The following INPP5A variants were observed in gnomAD, a reference collection of about 807,000 sequenced individuals.
INPP5A encodes inositol polyphosphate-5-phosphatase A.
INPP5A carries 14 observed loss-of-function variants against 65.2 expected under a neutral mutation model. The ratio of observed to expected loss-of-function variants is 0.21; its 90% CI spans 0.14 to 0.34. The LOEUF is 0.34. INPP5A is among the 10% of genes least tolerant of loss of function. The pLI is 1.00. For synonymous variants in INPP5A, 207 were observed against 208.3 expected (o/e 0.99, Z 0.05); for missense variants, 431 against 545.6 (o/e 0.79, Z 2.09).
chr10:132,593,962 C>T (rs542351673), intron 1 of INPP5A, among the ~76,000 whole-genome samples: 50 of 152,302 alleles, frequency 3.3e-4, no homozygotes, highest in Non-Finnish European at 6.2e-4. Flanking sequence ...GTTGTATTAG[C>T]AGTTTTCCTA....
chr10:132,544,284 A>G (rs2070941064), intron 1 of INPP5A, among the ~76,000 whole-genome samples: 1 of 152,190 alleles, frequency 6.6e-6, no homozygotes, highest in Admixed American at 6.5e-5. Flanking sequence ...GCCAGAGCAG[A>G]GTGCCAGCTC....
At chr10:132,608,353 AGTGG>A (rs1415528668) in intron 2 of INPP5A, among the ~76,000 whole-genome samples, 49 of 152,164 alleles carry the variant, frequency 3.2e-4, no homozygotes, top group Admixed American at 1.2e-3. Flanking sequence ...CTGTGCAGAG[AGTGG>A]GTGCTGGGCT....
chr10:132,585,058 A>G (rs189634557), intron 1 of INPP5A, among the ~76,000 whole-genome samples: 134 of 152,338 alleles, frequency 8.8e-4, no homozygotes, highest in African/African-American at 3.0e-3. Flanking sequence ...AGGGGCTTCT[A>G]GAAGGTCGCA....
In INPP5A at chr10:132,663,385, C is replaced by T. The variant is rs995538373; in HGVS notation, c.306+12880C>T. ...TACAGGTGTGCATCACCACGCCTGG[C>T]TAAAAAAAAACTGTTTATAGAGACT... On this transcript the variant is annotated intron_variant, in intron 4 of 15. Transcript: ENST00000368594. The surrounding 1 kb of genome is among the most constrained non-coding windows in gnomAD (Gnocchi z 4.5). 6.6e-6 allele frequency among the ~76,000 whole-genome samples: 1 copy of T among 151,742 alleles called. No homozygotes were observed. The highest frequency in any genetic ancestry group is 2.4e-5 in the African/African-American group (1 of 41,264).
At chr10:132,560,834 G>A (rs753743123) in intron 1 of INPP5A, among the ~76,000 whole-genome samples, 1 of 151,872 alleles carries the variant, frequency 6.6e-6, no homozygotes, top group Non-Finnish European at 1.5e-5. Context: ...GTATCAAACT[G>A]TAGGCCTCAA....
intron 8 of INPP5A, among the ~76,000 whole-genome samples, chr10:132,712,789 G>A (rs564121660): frequency 6.6e-6 from 1 of 150,474 alleles, no homozygotes; most frequent in Non-Finnish European, 1.5e-5. Flanking sequence ...TGTGTGCAGG[G>A]GTGCACTGAT....
At position 132,782,151 on chromosome 10, in the gene INPP5A, G is replaced by A. The variant is rs1029032477; in HGVS notation, c.*122G>A. 8.7e-6 allele frequency: 13 copies of A among 1,496,884 alleles called. No homozygotes were observed. Among genetic ancestry groups the A allele is most frequent in the East Asian group, 5.2e-5 (2 of 38,418 alleles). The allele number at this position is 1,496,884 out of a possible 1,614,324, so 92.7% of individuals were successfully genotyped here. The stretch of plus-strand genomic sequence containing the variant: ...CCCGCCCAAGCGCCACCTGCTAGAC[G>A]GCCAGCCCCACACTTCGCTTCAGCC... On this transcript the variant is annotated 3_prime_UTR_variant, in exon 16 of 16. Transcript: ENST00000368594. The surrounding 1 kb of genome is among the most constrained non-coding windows in gnomAD (Gnocchi z 4.4).
At position 132,550,793 on chromosome 10, in the gene INPP5A, C is replaced by A. The variant is rs748270253; in HGVS notation, c.75+12622C>A. Reference sequence around the variant, plus strand: ...TGTGAGGGGCCATGGTCGCTGACCTCGCCTCCTGTTGTCTTAGATCCTTGG... The same window carrying A: ...TGTGAGGGGCCATGGTCGCTGACCTAGCCTCCTGTTGTCTTAGATCCTTGG... On this transcript the variant is annotated intron_variant, in intron 1 of 15. Coordinates refer to ENST00000368594, the MANE Select transcript of INPP5A (RefSeq NM_005539.5). This position sits in a 1 kb window ranked among gnomAD's most constrained non-coding sequence, Gnocchi z 4.2. 6.6e-6 allele frequency among the ~76,000 whole-genome samples: 1 copy of A among 152,234 alleles called. No individual in the cohort carries two copies. The highest frequency in any genetic ancestry group is 1.5e-5 in the Non-Finnish European group (1 of 68,038).
chr10:132,694,168 T>C (rs1845310809), intron 5 of INPP5A, among the ~76,000 whole-genome samples: 1 of 152,152 alleles, frequency 6.6e-6, no homozygotes, highest in Non-Finnish European at 1.5e-5. Context: ...ACAGAAACCA[T>C]ATACAGCATG....
At chr10:132,779,806 C>T (rs549281607) in intron 13 of INPP5A, among the ~76,000 whole-genome samples, 2 of 152,362 alleles carry the variant, frequency 1.3e-5, no homozygotes, top group South Asian at 4.1e-4. Flanking sequence ...TCCGTTCTGC[C>T]TCCGGAGCCC....
Position 132,704,654 on chromosome 10 carries a change from C to T in INPP5A, c.475-3659C>T, listed in dbSNP as rs560063115. ...GGGTGCTGCTGGTGTGGATCCTGTG[C>T]GTGGCTGGGCCGTGGGGGGGCAGTG... On this transcript the variant is annotated intron_variant, in intron 6 of 15. Coordinates refer to ENST00000368594, the MANE Select transcript of INPP5A (RefSeq NM_005539.5). The surrounding 1 kb of genome is among the most constrained non-coding windows in gnomAD (Gnocchi z 4.5). Among the ~76,000 whole-genome samples, 31 of 152,116 alleles carry T rather than the reference C, an allele frequency of 2.0e-4. No homozygotes were observed. Among genetic ancestry groups the T allele is most frequent in the African/African-American group, 5.5e-4 (23 of 41,494 alleles).
chr10:132,645,828 C>G, intron 2 of INPP5A, 40 bp from the exon 3 acceptor site: 1 of 1,494,334 alleles, frequency 6.7e-7, no homozygotes, highest in South Asian at 1.2e-5. Context: ...GCTCTGTGGA[C>G]GGCTCCGACG....
At chr10:132,598,563 T>C (rs2071737703) in intron 1 of INPP5A, among the ~76,000 whole-genome samples, 1 of 152,264 alleles carries the variant, frequency 6.6e-6, no homozygotes, top group South Asian at 2.1e-4. Flanking sequence ...ATAGTCAGAA[T>C]ACCCTTCCTT....
rs2072992965 is a variant in INPP5A, at chr10:132,678,166, G to A, written c.307-12226G>A. Among the ~76,000 whole-genome samples, 1 of 152,182 alleles carries A rather than the reference G, an allele frequency of 6.6e-6. No homozygotes were observed. The highest frequency in any genetic ancestry group is 2.4e-5 in the African/African-American group (1 of 41,454). The stretch of plus-strand genomic sequence containing the variant: ...GCTGTCATTTTGTGGTGGTCACGGA[G>A]CTCCTCTGAGAGCGGACGGTCACAG... On this transcript the variant is annotated intron_variant, in intron 4 of 15. Coordinates refer to ENST00000368594, the MANE Select transcript of INPP5A (RefSeq NM_005539.5). The surrounding 1 kb of genome is among the most constrained non-coding windows in gnomAD (Gnocchi z 4.1).
chr10:132,770,389 G>A (rs571620199), intron 12 of INPP5A, among the ~76,000 whole-genome samples: 2 of 152,384 alleles, frequency 1.3e-5, no homozygotes, highest in South Asian at 2.1e-4. Context: ...ATAGTCAGCC[G>A]GGGTTTGGCT....
chr10:132,630,725 G>A (rs938305925), intron 2 of INPP5A, among the ~76,000 whole-genome samples: 1 of 148,248 alleles, frequency 6.7e-6, no homozygotes, highest in African/African-American at 2.6e-5. Flanking sequence ...GGGCGGGTGG[G>A]GCCTCGGTCG....
intron 4 of INPP5A, among the ~76,000 whole-genome samples, chr10:132,658,079 C>G (rs1334712944): frequency 6.6e-6 from 1 of 152,218 alleles, no homozygotes; most frequent in Non-Finnish European, 1.5e-5. Flanking sequence ...ACTCCGCTCC[C>G]CGCTGCTGTG....
chr10:132,684,398 T>C (rs1183556895), intron 4 of INPP5A, among the ~76,000 whole-genome samples: 1 of 152,216 alleles, frequency 6.6e-6, no homozygotes, highest in Non-Finnish European at 1.5e-5. Context: ...GGTGTATGCA[T>C]GTATGTGTGT....
At chr10:132,770,358 G>A (rs377102153) in intron 12 of INPP5A, among the ~76,000 whole-genome samples, 10 of 152,364 alleles carry the variant, frequency 6.6e-5, no homozygotes, top group South Asian at 4.1e-4. Flanking sequence ...GCGTTTCCTC[G>A]CGGAGGCCGT....
Sources: gnomAD v4.1 joint callset for allele counts (sites outside exome capture counted in the v4.1 genomes callset) on GRCh38, gnomAD v4.1.1 for gene constraint, Gnocchi (gnomAD v3.1) non-coding constraint, MANE v1.5 for transcripts, NCBI Gene and HGNC (gene_info 2026-07-23, HGNC 2026-07-21) for gene names.